Variants in CD151 observed in about 807,000 individuals in gnomAD.
CD151 encodes the protein CD151 antigen.
Under a neutral mutation model 34.2 loss-of-function variants are expected in CD151, and 20 were observed. That is an observed-to-expected ratio of 0.58 (90% CI 0.41 to 0.85). The LOEUF is 0.85. Among genes scored for constraint, CD151 ranks in the 40% least tolerant of loss-of-function variants. The probability of loss-of-function intolerance (pLI) is 0.00; values close to 1 mark genes in which losing one functional copy is unlikely to be tolerated. For synonymous variants in CD151, 157 were observed against 131.7 expected (o/e 1.19, Z -1.32); for missense variants, 306 against 324.5 (o/e 0.94, Z 0.44).
intron 6 of CD151, 27 bp downstream of exon 6, chr11:837,381 G>C (rs371282398): frequency 2.5e-6 from 4 of 1,609,146 alleles, no homozygotes; most frequent in Admixed American, 3.3e-5. Flanking sequence ...GGGAGGGCGC[G>C]TGCATCCCCA....
chr11:837,284 C>A lies in CD151; in HGVS notation c.386C>A (p.Thr129Asn), dbSNP rs750965418. Reference protein sequence around the residue: ...NTELKENLKDTMTKRYHQPGH... With the variant: ...NTELKENLKDNMTKRYHQPGH... ...GAGCTCAAGGAGAACCTGAAGGACA[C>A]CATGACCAAGCGCTACCACCAGCCG... The change falls in exon 6 of 9, where the codon ACC (threonine) becomes AAC (asparagine). Residue 129 changes from threonine (T) to asparagine (N), a missense_variant. Transcript: ENST00000397420. 3 of 1,613,108 alleles carry A rather than the reference C, an allele frequency of 1.9e-6. No homozygotes were observed. The South Asian group carries it at 3.3e-5, about 18-fold the overall frequency.
At chr11:835,740 T>C (rs1361069361) in intron 2 of CD151, 1 of 270,124 alleles carries the variant, frequency 3.7e-6, no homozygotes, top group Non-Finnish European at 7.1e-6. Context: ...CAGGCTGGAG[T>C]GCAGTGGCAC....
chr11:833,669 C>T (rs951429725), intron 1 of CD151, among the ~76,000 whole-genome samples: 3 of 152,096 alleles, frequency 2.0e-5, no homozygotes, highest in African/African-American at 4.8e-5. Context: ...GAAGAGGGGC[C>T]ACTCCTCAGC....
chr11:832,982 A>C lies in CD151; in HGVS notation c.-114A>C. 1 of 151,374 alleles carries C rather than the reference A, an allele frequency of 6.6e-6. No individual in the cohort carries two copies. The highest frequency in any genetic ancestry group is 2.4e-5 in the African/African-American group (1 of 41,208). 9.4% of individuals were successfully genotyped at this position (151,374 alleles called of 1,614,324 possible). ...CAGCGCTGGGAGCCGCCGCCCCCGC[A>C]GCTGCTGCCGCCGCCGCCAGGGCCC... On this transcript the variant is annotated 5_prime_UTR_variant, in exon 1 of 9. Transcript: ENST00000397420.
Position 837,364 on chromosome 11 carries a change from TG to T in CD151, c.456+12del. ...CCAGCTGCAGCAGGAGGTGGGTGGG[TG>T]GTGCTGGGAGGGCGCGTGCATCCCC... On this transcript the variant is annotated intron_variant, in intron 6 of 8. Transcript: ENST00000397420. The T allele has an allele frequency of 1.2e-6, 2 of 1,610,188 alleles. No individual in the cohort carries two copies. The highest frequency in any genetic ancestry group is 1.7e-6 in the Non-Finnish European group (2 of 1,178,546).
At chr11:837,844 TA>T in intron 7 of CD151, 97 bp from the exon 8 acceptor site, 1 of 981,722 alleles carries the variant, frequency 1.0e-6, no homozygotes, top group Non-Finnish European at 1.5e-6. Flanking sequence ...GCCTAGGTGC[TA>T]GGGGTGGGTT....
In CD151 at chr11:836,971, G is replaced by C. The variant is rs28620453; in HGVS notation, c.351+128G>C. 0.68 allele frequency: 549,269 copies of C among 812,926 alleles called. 190,218 individuals carry two copies. The highest frequency in any genetic ancestry group is 0.89 in the East Asian group (33,591 of 37,666). 50.4% of individuals were successfully genotyped at this position (812,926 alleles called of 1,614,324 possible). A position where few individuals can be genotyped will look rare whatever the true frequency, so the allele number is the denominator to read the frequency against. On this transcript the variant is annotated intron_variant, in intron 5 of 8. Coordinates refer to ENST00000397420, the MANE Select transcript of CD151 (RefSeq NM_004357.5). ...TCCCAGAGCTAACCAATGTGCCACT[G>C]GGCCCTGGAGATGGGGTCTAGGTCT...
Position 838,480 on chromosome 11 carries a change from G to A in CD151, c.*288G>A, listed in dbSNP as rs1590211679. ...GAAGGGGCCTTGCTGAGTGGCGCAA[G>A]GCCGAGCGTTCCCAGCAGGGGGAGA... On this transcript the variant is annotated 3_prime_UTR_variant, in exon 9 of 9. Transcript: ENST00000397420. The A allele has an allele frequency of 1.8e-6, 1 of 555,950 alleles. No homozygotes were observed. Among genetic ancestry groups the A allele is most frequent in the Admixed American group, 3.3e-5 (1 of 30,296 alleles). The allele number at this position is 555,950 out of a possible 1,614,324, so 34.4% of individuals were successfully genotyped here. A position where few individuals can be genotyped will look rare whatever the true frequency, so the allele number is the denominator to read the frequency against.
intron 1 of CD151, among the ~76,000 whole-genome samples, chr11:834,305 G>A (rs1467101548): frequency 6.6e-6 from 1 of 152,198 alleles, no homozygotes; most frequent in African/African-American, 2.4e-5. Flanking sequence ...GTTGCAGTGA[G>A]CTGAGATCGT....
chr11:837,448 T>C lies in CD151; in HGVS notation c.457-12T>C. ...GCCCCAGGTCTCAACCCCAGCCTTGTTCTTGATGCAGTTCCACTGCTGTGG... is the reference window on the plus strand; with the variant it reads ...GCCCCAGGTCTCAACCCCAGCCTTGCTCTTGATGCAGTTCCACTGCTGTGG... On this transcript the variant is annotated splice_polypyrimidine_tract_variant and intron_variant, in intron 6 of 8. Coordinates refer to ENST00000397420, the MANE Select transcript of CD151 (RefSeq NM_004357.5). 6.2e-7 allele frequency: 1 copy of C among 1,612,672 alleles called. No individual in the cohort carries two copies. The highest frequency in any genetic ancestry group is 8.5e-7 in the Non-Finnish European group (1 of 1,179,758).
At chr11:836,964 T>C in intron 5 of CD151, 121 bp downstream of exon 5, 1 of 883,776 alleles carries the variant, frequency 1.1e-6, no homozygotes, top group Non-Finnish European at 1.8e-6. Context: ...CTAACCAATG[T>C]GCCACTGGGC....
intron 2 of CD151, 32 bp from the exon 3 acceptor site, chr11:836,031 T>G (rs757133809): frequency 7.7e-7 from 1 of 1,304,184 alleles, no homozygotes; most frequent in South Asian, 1.2e-5. Context: ...CCCGGTGCTG[T>G]GGCCCCGCTG....
chr11:836,546 G>C lies in CD151; in HGVS notation c.276+104G>C, dbSNP rs1420903521. On this transcript the variant is annotated intron_variant, in intron 4 of 8. Transcript: ENST00000397420. The stretch of plus-strand genomic sequence containing the variant: ...TGCCTTGCTGTGCTCACCTGGGGGG[G>C]GGGTCACGGTCCTTCCACACCTGCC... 6.2e-5 allele frequency: 58 copies of C among 936,038 alleles called. 1 individual carries two copies. Among genetic ancestry groups the C allele is most frequent in the Middle Eastern group, 4.3e-4 (2 of 4,628 alleles). 58.0% of individuals were successfully genotyped at this position (936,038 alleles called of 1,614,324 possible).
In CD151 at chr11:838,257, C is replaced by T. The variant is rs1283470148; in HGVS notation, c.*65C>T. ...AGCTGAGACCACTGAGTACCAGGGG[C>T]TGGGCTCCCTGATGACACCCACCCT... is the stretch of plus-strand genomic sequence containing the variant. On this transcript the variant is annotated 3_prime_UTR_variant, in exon 9 of 9. Coordinates refer to ENST00000397420, the MANE Select transcript of CD151 (RefSeq NM_004357.5). The T allele has an allele frequency of 7.3e-7, 1 of 1,370,788 alleles. No homozygotes were observed. The allele number at this position is 1,370,788 out of a possible 1,614,324, so 84.9% of individuals were successfully genotyped here.
In CD151 at chr11:838,488, G is replaced by A. The variant is rs543441005; in HGVS notation, c.*296G>A. On this transcript the variant is annotated 3_prime_UTR_variant, in exon 9 of 9. Transcript: ENST00000397420. ...CTTGCTGAGTGGCGCAAGGCCGAGC[G>A]TTCCCAGCAGGGGGAGAAACCCTTC... 12 of 538,632 alleles carry A rather than the reference G, an allele frequency of 2.2e-5. No individual in the cohort carries two copies. Among genetic ancestry groups the A allele is most frequent in the Admixed American group, 3.4e-5 (1 of 29,220 alleles). 33.4% of individuals were successfully genotyped at this position (538,632 alleles called of 1,614,324 possible).
Position 833,393 on chromosome 11 carries a change from C to T in CD151, c.-70+367C>T, listed in dbSNP as rs1322076370. Among the ~76,000 whole-genome samples the T allele has an allele frequency of 3.3e-5, 5 of 152,244 alleles. No individual in the cohort carries two copies. The East Asian group carries it at 7.8e-4, about 24-fold the overall frequency. The stretch of plus-strand genomic sequence containing the variant: ...ATTGTCCCTGGACACGGCAGTCTTC[C>T]CTCCGCCCGCAGCAGCCCCCGCCCG... On this transcript the variant is annotated intron_variant, in intron 1 of 8. Coordinates refer to ENST00000397420, the MANE Select transcript of CD151 (RefSeq NM_004357.5).
intron 5 of CD151, 88 bp downstream of exon 5, chr11:836,931 C>A: frequency 2.7e-6 from 3 of 1,128,234 alleles, no homozygotes; most frequent in Non-Finnish European, 4.0e-6. Flanking sequence ...CTAGCCCCAA[C>A]CCCCACCCCC....
Position 838,243 on chromosome 11 carries a change from C to T in CD151, c.*51C>T. On this transcript the variant is annotated 3_prime_UTR_variant, in exon 9 of 9. Transcript: ENST00000397420. ...GCACCCAACTACTGAGCTGAGACCA[C>T]TGAGTACCAGGGGCTGGGCTCCCTG... The T allele has an allele frequency of 6.7e-7, 1 of 1,499,274 alleles. No individual in the cohort carries two copies. Among genetic ancestry groups the T allele is most frequent in the Non-Finnish European group, 9.3e-7 (1 of 1,076,946 alleles). The allele number at this position is 1,499,274 out of a possible 1,614,324, so 92.9% of individuals were successfully genotyped here. A position where few individuals can be genotyped will look rare whatever the true frequency, so the allele number is the denominator to read the frequency against.
rs1170738801 is a variant in CD151 at position 835,679 on chromosome 11, T to C, written c.-7-384T>C. The C allele has an allele frequency of 2.3e-5, 4 of 173,310 alleles. No individual in the cohort carries two copies. The East Asian group carries it at 6.4e-4, about 28-fold the overall frequency. The allele number at this position is 173,310 out of a possible 1,614,324, so 10.7% of individuals were successfully genotyped here. ...CTTTCTTTGGGTTAATTTGCTAGTCTCTTTTTATTATTTATTTATTTATTT... is the reference window on the plus strand; with the variant it reads ...CTTTCTTTGGGTTAATTTGCTAGTCCCTTTTTATTATTTATTTATTTATTT... On this transcript the variant is annotated intron_variant, in intron 2 of 8. Coordinates refer to ENST00000397420, the MANE Select transcript of CD151 (RefSeq NM_004357.5).
Sources: allele counts gnomAD v4.1 joint callset (sites outside exome capture counted in the v4.1 genomes callset), GRCh38; gene constraint gnomAD v4.1.1; transcripts MANE v1.5; gene names NCBI Gene and HGNC (gene_info 2026-07-23, HGNC 2026-07-21).